Variants in SNAP25 observed in about 807,000 individuals in gnomAD.
SNAP25 encodes the protein synaptosome associated protein 25, also known as synaptosomal-associated protein 25.
A neutral mutation model predicts 28.7 loss-of-function variants in SNAP25; 3 were observed. The observed-to-expected ratio is 0.10, with a 90% confidence interval of 0.05 to 0.27. SNAP25 has a LOEUF of 0.27. Among genes scored for constraint, SNAP25 ranks in the 10% least tolerant of loss-of-function variants. The pLI is 1.00. For missense variants in SNAP25, 117 were observed against 278.7 expected (o/e 0.42, Z 4.13); for synonymous variants, 61 against 88.1 (o/e 0.69, Z 1.72).
At chr20:10,281,805 C>G (rs903084583) in intron 3 of SNAP25, among the ~76,000 whole-genome samples, 4 of 152,182 alleles carry the variant, frequency 2.6e-5, no homozygotes, top group Non-Finnish European at 5.9e-5. Context: ...ATTTCCTGAA[C>G]TCACGGAGGC....
At chr20:10,303,494 A>G (rs6039825) in intron 7 of SNAP25, among the ~76,000 whole-genome samples, 2,844 of 152,296 alleles carry the variant, frequency 0.019, 93 homozygotes, top group African/African-American at 0.063. Flanking sequence ...CTGAGAATTC[A>G]CGATATGAAC....
intron 7 of SNAP25, among the ~76,000 whole-genome samples, chr20:10,301,879 TAA>T (rs1491564159): frequency 2.1e-5 from 3 of 144,146 alleles, no homozygotes; most frequent in Admixed American, 6.9e-5. Context: ...ATATAATATA[TAA>T]TATATATATT....
chr20:10,304,037 A>C (rs1416188010), intron 7 of SNAP25, among the ~76,000 whole-genome samples: 2 of 152,210 alleles, frequency 1.3e-5, no homozygotes. Context: ...TAAACTAATG[A>C]GCCCTTCGTT....
intron 2 of SNAP25, 92 bp from the exon 3 acceptor site, chr20:10,277,593 T>C: frequency 9.4e-7 from 1 of 1,067,528 alleles, no homozygotes; most frequent in Non-Finnish European, 1.4e-6. Flanking sequence ...AGACCCTTTG[T>C]GTTTCTCAAG....
chr20:10,259,394 C>T (rs1459649097), intron 1 of SNAP25, among the ~76,000 whole-genome samples: 1 of 152,098 alleles, frequency 6.6e-6, no homozygotes, highest in Non-Finnish European at 1.5e-5. Flanking sequence ...GGTGTTTCTT[C>T]CAGCATGGTA....
intron 1 of SNAP25, among the ~76,000 whole-genome samples, chr20:10,259,609 G>C (rs2063377785): frequency 6.6e-6 from 1 of 151,974 alleles, no homozygotes; most frequent in African/African-American, 2.4e-5. Flanking sequence ...TGTGATCATA[G>C]CTCACTGCAG....
At chr20:10,276,691 A>G (rs1010724097) in intron 2 of SNAP25, among the ~76,000 whole-genome samples, 10 of 152,252 alleles carry the variant, frequency 6.6e-5, no homozygotes, top group African/African-American at 2.4e-4. Flanking sequence ...GTTCAGCAAA[A>G]ATCAGTAAAA....
chr20:10,295,269 T>G (rs958639028), intron 5 of SNAP25, among the ~76,000 whole-genome samples: 2 of 152,236 alleles, frequency 1.3e-5, no homozygotes, highest in South Asian at 2.1e-4. Flanking sequence ...TTTGCCTTCT[T>G]TCAGAAACGC....
In SNAP25 at chr20:10,245,436, G is replaced by A. The variant is rs563650370; in HGVS notation, c.-64+26459G>A. Among the ~76,000 whole-genome samples, 21 of 152,228 alleles carry A rather than the reference G, an allele frequency of 1.4e-4. No homozygotes were observed. The East Asian group carries it at 2.7e-3, about 20-fold the overall frequency. On this transcript the variant is annotated intron_variant, in intron 1 of 7. Coordinates refer to ENST00000254976, the MANE Select transcript of SNAP25 (RefSeq NM_130811.4). ...AGTCAACATCAATCCACCCTCCTTC[G>A]CTTTTAGGTCAGGAGTTTCGTAAGG... is the stretch of plus-strand genomic sequence containing the variant.
rs182696972 is a variant in SNAP25 at position 10,266,967 on chromosome 20, G to A, written c.-63-8462G>A. 8.5e-5 allele frequency among the ~76,000 whole-genome samples: 13 copies of A among 152,090 alleles called. No individual in the cohort carries two copies. In the East Asian group the frequency reaches 2.1e-3, roughly 25 times the overall value. On this transcript the variant is annotated intron_variant, in intron 1 of 7. Coordinates refer to ENST00000254976, the MANE Select transcript of SNAP25 (RefSeq NM_130811.4). ...AAAGACAGAATGGACTTTCTTTTCA[G>A]ACACAAATTAAATATTCACAGCCAT...
chr20:10,240,470 C>T (rs940455893), intron 1 of SNAP25, among the ~76,000 whole-genome samples: 1 of 152,136 alleles, frequency 6.6e-6, no homozygotes, highest in African/African-American at 2.4e-5. Context: ...ACAGGTGCCC[C>T]CCATGCTCAA....
chr20:10,261,265 T>C (rs2063410354), intron 1 of SNAP25, among the ~76,000 whole-genome samples: 1 of 152,174 alleles, frequency 6.6e-6, no homozygotes, highest in South Asian at 2.1e-4. Context: ...AGTATGAACA[T>C]GTGATTCAGG....
rs363062 is a variant in SNAP25 at position 10,262,294 on chromosome 20, A to G, written c.-63-13135A>G. Among the ~76,000 whole-genome samples the G allele has an allele frequency of 3.0e-3, 461 of 152,322 alleles. 1 individual carries two copies. The highest frequency in any genetic ancestry group is 0.01 in the African/African-American group (435 of 41,582). On this transcript the variant is annotated intron_variant, in intron 1 of 7. Transcript: ENST00000254976. The stretch of plus-strand genomic sequence containing the variant: ...CACTATTTTGATGTTTGCCATTTCA[A>G]GGATACCTTAAGGTGAGCCCTAGAT...
intron 4 of SNAP25, among the ~76,000 whole-genome samples, chr20:10,289,891 G>A (rs2063961703): frequency 6.6e-6 from 1 of 151,740 alleles, no homozygotes; most frequent in Admixed American, 6.6e-5. Flanking sequence ...TCTGTCATTG[G>A]TGGATCTATC....
rs1342011467 is a variant in SNAP25, at chr20:10,293,542, T to C, written c.281+264T>C. ...ACGTTTCAACATTTTCCAGAAAGTG[T>C]ACCTTGAGACAGAGGCTAGCCTCAA... On this transcript the variant is annotated intron_variant, in intron 5 of 7. Coordinates refer to ENST00000254976, the MANE Select transcript of SNAP25 (RefSeq NM_130811.4). The surrounding 1 kb of genome is among the most constrained non-coding windows in gnomAD (Gnocchi z 5.6). Among the ~76,000 whole-genome samples the C allele has an allele frequency of 9.2e-5, 14 of 152,216 alleles. No individual in the cohort carries two copies. Among genetic ancestry groups the C allele is most frequent in the Non-Finnish European group, 1.5e-5 (1 of 68,024 alleles).
At chr20:10,242,622 G>A (rs772893055) in intron 1 of SNAP25, among the ~76,000 whole-genome samples, 70 of 152,134 alleles carry the variant, frequency 4.6e-4, no homozygotes, top group Admixed American at 2.0e-3. Flanking sequence ...GTGTCCTGCT[G>A]CAAGAAAGCA....
intron 1 of SNAP25, among the ~76,000 whole-genome samples, chr20:10,247,613 C>A (rs1439217250): frequency 4.6e-5 from 7 of 152,156 alleles, no homozygotes; most frequent in African/African-American, 1.7e-4. Flanking sequence ...ATGACTGATG[C>A]GCCTTCCAAG....
At chr20:10,300,427 C>T (rs73077431) in intron 7 of SNAP25, among the ~76,000 whole-genome samples, 2 of 152,214 alleles carry the variant, frequency 1.3e-5, no homozygotes, top group Non-Finnish European at 2.9e-5. Flanking sequence ...GATAATTGTA[C>T]ATCTATAATC....
At chr20:10,252,099 A>G (rs2122815510) in intron 1 of SNAP25, among the ~76,000 whole-genome samples, 1 of 152,346 alleles carries the variant, frequency 6.6e-6, no homozygotes, top group East Asian at 1.9e-4. Context: ...GCTCTTGGAA[A>G]CATTCTGTAC....
Sources: allele counts gnomAD v4.1 joint callset (sites outside exome capture counted in the v4.1 genomes callset), GRCh38; gene constraint gnomAD v4.1.1; non-coding constraint Gnocchi (gnomAD v3.1); transcripts MANE v1.5; gene names NCBI Gene and HGNC (gene_info 2026-07-23, HGNC 2026-07-21).